RBM27: variants seen among roughly 807,000 people sequenced by gnomAD.
RBM27 encodes the protein RNA-binding protein 27.
A neutral mutation model predicts 135.3 loss-of-function variants in RBM27; 22 were observed. The observed-to-expected ratio is 0.16, with a 90% confidence interval of 0.12 to 0.23. The LOEUF (loss-of-function observed/expected upper bound fraction) is 0.23. RBM27 is among the 10% of genes least tolerant of loss of function. The pLI, the probability that RBM27 is intolerant of heterozygous loss-of-function variation, is 1.00. For missense variants in RBM27, 1,009 were observed against 1,281.0 expected, an observed-to-expected ratio of 0.79 and a Z score of 3.24; for synonymous variants, 481 against 442.4, an observed-to-expected ratio of 1.09 and a Z score of -1.10.
chr5:146,238,861 G>A (rs1339263135), intron 8 of RBM27, among the ~76,000 whole-genome samples: 2 of 152,010 alleles, frequency 1.3e-5, no homozygotes, highest in African/African-American at 4.8e-5. Flanking sequence ...TGAGTAAGTT[G>A]CTTAGTCTCT....
intron 1 of RBM27, among the ~76,000 whole-genome samples, chr5:146,206,033 TA>T (rs937818461): frequency 6.6e-6 from 1 of 151,722 alleles, no homozygotes; most frequent in Non-Finnish European, 1.5e-5. Flanking sequence ...AAAATAAAAA[TA>T]AAAAAAGTGT....
intron 19 of RBM27, among the ~76,000 whole-genome samples, chr5:146,273,512 T>C (rs1758956870): frequency 6.6e-6 from 1 of 151,046 alleles, no homozygotes. Context: ...TTTTTTTTTC[T>C]TTTTTGATAG....
At chr5:146,269,687 C>A in intron 17 of RBM27, 103 bp downstream of exon 17, 2 of 572,988 alleles carry the variant, frequency 3.5e-6, no homozygotes, top group Non-Finnish European at 5.1e-6. Context: ...AATATCCTAA[C>A]AGGGATATAG....
chr5:146,237,523 G>A (rs1757222164), intron 8 of RBM27, 91 bp downstream of exon 8: 1 of 1,383,822 alleles, frequency 7.2e-7, no homozygotes, highest in Non-Finnish European at 1.0e-6. Flanking sequence ...ATGGTAAATA[G>A]TTTCTGTTCT....
intron 8 of RBM27, among the ~76,000 whole-genome samples, chr5:146,250,753 T>A (rs1757846373): frequency 6.7e-6 from 1 of 149,864 alleles, no homozygotes; most frequent in African/African-American, 2.4e-5. Context: ...GGTCTGTTTA[T>A]CTGTTTTTTT....
intron 8 of RBM27, among the ~76,000 whole-genome samples, chr5:146,251,314 T>C (rs1379372794): frequency 2.0e-5 from 3 of 152,206 alleles, no homozygotes; most frequent in Non-Finnish European, 4.4e-5. Context: ...GTTTTCTTTT[T>C]AATGGATATG....
intron 7 of RBM27, among the ~76,000 whole-genome samples, chr5:146,236,930 C>CTTT (rs36073661): frequency 1.3e-4 from 6 of 47,178 alleles, no homozygotes; most frequent in Non-Finnish European, 1.6e-4. Flanking sequence ...TATGATGGTC[C>CTTT]TTTTTTTTTT....
intron 8 of RBM27, 146 bp from the exon 9 acceptor site, chr5:146,251,561 TAGAA>T: frequency 2.8e-6 from 2 of 717,254 alleles, no homozygotes; most frequent in East Asian, 2.7e-5. Flanking sequence ...TTTCTTGAGT[TAGAA>T]AGAATCCCAG....
chr5:146,230,720 T>C lies in RBM27; in HGVS notation c.653T>C (p.Val218Ala). The C allele has an allele frequency of 6.2e-7, 1 of 1,613,870 alleles. No individual in the cohort carries two copies. The highest frequency in any genetic ancestry group is 8.5e-7 in the Non-Finnish European group (1 of 1,179,726). Reference protein sequence around the residue: ...RNDLESSYVPVSAPPPNSSEQ... With the variant: ...RNDLESSYVPASAPPPNSSEQ... ...GACCTGGAGAGTTCCTATGTGCCTG[T>C]GTCTGCACCACCTCCAAACTCTTCT... Residue 218 changes from valine to alanine, a missense_variant, in exon 6 of 21, where the codon GTG becomes GCG. Val to Ala is a moderately conservative substitution (Grantham distance 64). Transcript: ENST00000265271.
chr5:146,261,866 T>G (rs1758415905), intron 13 of RBM27, 60 bp downstream of exon 13: 1 of 1,559,136 alleles, frequency 6.4e-7, no homozygotes, highest in Non-Finnish European at 8.8e-7. Flanking sequence ...TCAGTATTTT[T>G]CAATTCCTGG....
chr5:146,251,596 A>G (rs769567007), intron 8 of RBM27, 115 bp from the exon 9 acceptor site: 6 of 974,664 alleles, frequency 6.2e-6, no homozygotes, highest in Non-Finnish European at 9.3e-6. Flanking sequence ...CTGTACTTCT[A>G]TTCCTGTTGG....
chr5:146,273,576 T>C (rs1365442020), intron 19 of RBM27, among the ~76,000 whole-genome samples: 1 of 152,202 alleles, frequency 6.6e-6, no homozygotes, highest in Non-Finnish European at 1.5e-5. Context: ...TGATAATAAC[T>C]ACCTGGGCAA....
At chr5:146,250,934 G>T (rs182888147) in intron 8 of RBM27, among the ~76,000 whole-genome samples, 3 of 151,806 alleles carry the variant, frequency 2.0e-5, no homozygotes, top group Non-Finnish European at 4.4e-5. Flanking sequence ...CCACCACGAC[G>T]CCCAGCTAAT....
intron 1 of RBM27, among the ~76,000 whole-genome samples, chr5:146,207,662 T>C (rs912514679): frequency 2.0e-5 from 3 of 150,282 alleles, no homozygotes; most frequent in Middle Eastern, 3.2e-3. Flanking sequence ...ATATTTCTTT[T>C]TTTTTTTTTT....
intron 4 of RBM27, 146 bp from the exon 5 acceptor site, chr5:146,229,571 T>A: frequency 1.6e-6 from 1 of 632,078 alleles, no homozygotes; most frequent in East Asian, 2.6e-5. Context: ...TATATTTGAT[T>A]AGAGGAATTA....
At chr5:146,274,024 G>A (rs1758980828) in intron 19 of RBM27, among the ~76,000 whole-genome samples, 2 of 152,036 alleles carry the variant, frequency 1.3e-5, no homozygotes, top group African/African-American at 2.4e-5. Context: ...TGCTCTCGTC[G>A]CCCAGGCTGG....
chr5:146,266,256 C>T (rs913841173), intron 14 of RBM27, among the ~76,000 whole-genome samples: 3 of 152,202 alleles, frequency 2.0e-5, no homozygotes, highest in African/African-American at 7.2e-5. Flanking sequence ...AAGGGTACCA[C>T]AGAATCCTAT....
Position 146,269,439 on chromosome 5 carries a change from A to G in RBM27, c.2546A>G (p.Glu849Gly), listed in dbSNP as rs764308715. 1 of 1,562,246 alleles carries G rather than the reference A, an allele frequency of 6.4e-7. No homozygotes were observed. Among genetic ancestry groups the G allele is most frequent in the Non-Finnish European group, 8.6e-7 (1 of 1,158,280 alleles). ...ECQKMLISKL[E>G]KNKNMKPEER... ...TCGTAGATGTTAATATCCAAGTTAGAAAAAAACAAAAACATGAAACCAGAA... is the reference window on the plus strand; with the variant it reads ...TCGTAGATGTTAATATCCAAGTTAGGAAAAAACAAAAACATGAAACCAGAA... Residue 849 changes from glutamate to glycine, a missense_variant, in exon 17 of 21, where the codon GAA becomes GGA. Physicochemically the swap from Glu to Gly is moderately conservative, Grantham distance 98. Coordinates refer to ENST00000265271, the MANE Select transcript of RBM27 (RefSeq NM_018989.2).
In RBM27 at chr5:146,288,708, CT is replaced by C. The variant is rs1446602894; in HGVS notation, c.*2679del. On this transcript the variant is annotated 3_prime_UTR_variant, in exon 21 of 21. Coordinates refer to ENST00000265271, the MANE Select transcript of RBM27 (RefSeq NM_018989.2). ...ATCAGCAATAATAGCCACCAGTTGA[CT>C]AGGTCAGCCTGATATACTAGTGGAT... The C allele has an allele frequency of 6.6e-6, 1 of 152,040 alleles. No individual in the cohort carries two copies. The highest frequency in any genetic ancestry group is 1.9e-4 in the East Asian group (1 of 5,202). 9.4% of individuals were successfully genotyped at this position (152,040 alleles called of 1,614,324 possible).
Sources: allele counts gnomAD v4.1 joint callset (sites outside exome capture counted in the v4.1 genomes callset), GRCh38; gene constraint gnomAD v4.1.1; transcripts MANE v1.5; gene names NCBI Gene and HGNC (gene_info 2026-07-23, HGNC 2026-07-21).